The following ITPKB variants were observed in gnomAD, a reference collection of about 807,000 sequenced individuals.
ITPKB encodes IP3 3-kinase B.
ITPKB carries 13 observed loss-of-function variants against 69.4 expected under a neutral mutation model. The ratio of observed to expected loss-of-function variants is 0.19; its 90% CI spans 0.12 to 0.30. The LOEUF (loss-of-function observed/expected upper bound fraction) is 0.30, where lower values mean the gene tolerates loss of function less well. ITPKB is among the 10% of genes least tolerant of loss of function. The probability of loss-of-function intolerance (pLI) is 1.00; values close to 1 mark genes in which losing one functional copy is unlikely to be tolerated. For missense variants in ITPKB, 1,240 were observed against 1,250.5 expected (o/e 0.99, Z 0.13); for synonymous variants, 584 against 513.7 (o/e 1.14, Z -1.85).
chr1:226,642,898 A>G lies in ITPKB; in HGVS notation c.2247-773T>C, dbSNP rs957703014. On this transcript the variant is annotated intron_variant, in intron 4 of 7. Coordinates refer to ENST00000429204, the MANE Select transcript of ITPKB (RefSeq NM_002221.4). The surrounding 1 kb of genome is among the most constrained non-coding windows in gnomAD (Gnocchi z 6.4). ...TTTCCAAAGAGGTGAAATCTTCTGG[A>G]GCACAAAGTTCAGGTCAGAAAGTGG... Among the ~76,000 whole-genome samples the G allele has an allele frequency of 1.3e-5, 2 of 152,126 alleles. No individual in the cohort carries two copies.
At chr1:226,724,288 A>C (rs920341043) in intron 2 of ITPKB, among the ~76,000 whole-genome samples, 1 of 152,106 alleles carries the variant, frequency 6.6e-6, no homozygotes, top group Non-Finnish European at 1.5e-5. Context: ...AGCCTCCCCC[A>C]GCACACACTT....
intron 2 of ITPKB, among the ~76,000 whole-genome samples, chr1:226,681,497 T>G (rs964883240): frequency 6.6e-6 from 1 of 152,236 alleles, no homozygotes; most frequent in Non-Finnish European, 1.5e-5. Context: ...TGCAGAAAAT[T>G]TGATAAATCC....
At chr1:226,676,794 T>G (rs1231520008) in intron 2 of ITPKB, among the ~76,000 whole-genome samples, 1 of 152,248 alleles carries the variant, frequency 6.6e-6, no homozygotes, top group Non-Finnish European at 1.5e-5. Context: ...CTAAATAAGT[T>G]TATCCAAGCA....
intron 2 of ITPKB, among the ~76,000 whole-genome samples, chr1:226,655,491 G>A (rs759389653): frequency 6.6e-5 from 10 of 152,228 alleles, no homozygotes; most frequent in South Asian, 4.1e-4. Flanking sequence ...CAAGGCCACC[G>A]GCACCTGTGG....
intron 2 of ITPKB, among the ~76,000 whole-genome samples, chr1:226,694,626 A>C (rs1372023706): frequency 2.0e-5 from 3 of 152,250 alleles, no homozygotes; most frequent in Non-Finnish European, 4.4e-5. Flanking sequence ...AGGCTTAGCC[A>C]TCAGTGTTTC....
intron 2 of ITPKB, among the ~76,000 whole-genome samples, chr1:226,690,523 T>A (rs1656323933): frequency 7.0e-6 from 1 of 143,742 alleles, no homozygotes; most frequent in African/African-American, 2.7e-5. Flanking sequence ...GCAGGATAAC[T>A]CACTCCTCCT....
chr1:226,710,347 G>A (rs551079635), intron 2 of ITPKB, among the ~76,000 whole-genome samples: 2 of 152,356 alleles, frequency 1.3e-5, no homozygotes, highest in South Asian at 4.1e-4. Flanking sequence ...AGCTACGTAA[G>A]TTTCAGGGCC....
At chr1:226,639,460 G>A (rs1668907372) in intron 6 of ITPKB, 97 bp downstream of exon 6, 1 of 827,130 alleles carries the variant, frequency 1.2e-6, no homozygotes, top group East Asian at 2.4e-5. Flanking sequence ...TGCTGTCCCT[G>A]GGGGTGCCTT....
At chr1:226,660,836 C>T (rs1225945184) in intron 2 of ITPKB, among the ~76,000 whole-genome samples, 1 of 152,232 alleles carries the variant, frequency 6.6e-6, no homozygotes, top group South Asian at 2.1e-4. Context: ...GCCCAGAGGA[C>T]AGAAGGGCTC....
rs748764550 is a variant in ITPKB at position 226,637,759 on chromosome 1, AG to A, written c.2554-10del. On this transcript the variant is annotated splice_polypyrimidine_tract_variant and intron_variant, in intron 6 of 7. Transcript: ENST00000429204. This position sits in a 1 kb window ranked among gnomAD's most constrained non-coding sequence, Gnocchi z 4.3. Reference sequence around the variant, plus strand: ...CGGTCCCGATAGGCGATCTGGGAATAGAAAGAGGACCAGATTTTTAAGCGCC... The same window carrying A: ...CGGTCCCGATAGGCGATCTGGGAATAAAAGAGGACCAGATTTTTAAGCGCC... The A allele has an allele frequency of 1.4e-5, 23 of 1,610,610 alleles. No individual in the cohort carries two copies. The highest frequency in any genetic ancestry group is 2.0e-5 in the Non-Finnish European group (23 of 1,177,196).
In ITPKB at chr1:226,736,309, A is replaced by C; in HGVS notation, c.1150T>G (p.Ser384Ala). 1 of 1,609,664 alleles carries C rather than the reference A, an allele frequency of 6.2e-7. No individual in the cohort carries two copies. Among genetic ancestry groups the C allele is most frequent in the Non-Finnish European group, 8.5e-7 (1 of 1,178,356 alleles). Residue 384 changes from serine (S) to alanine (A), a missense_variant, in exon 2 of 8, where the codon TCT becomes GCT. Ser to Ala is a moderately conservative substitution (Grantham distance 99). Coordinates refer to ENST00000429204, the MANE Select transcript of ITPKB (RefSeq NM_002221.4). ...KGYLPCGMPG[S>A]GEPEVGKRPE... is the part of the protein sequence containing the mutation. Reference sequence around the variant, plus strand: ...CTTTTGCCCACTTCAGGCTCCCCAGAGCCCGGCATGCCACAGGGCAGATAT... The same window carrying C: ...CTTTTGCCCACTTCAGGCTCCCCAGCGCCCGGCATGCCACAGGGCAGATAT...
intron 2 of ITPKB, among the ~76,000 whole-genome samples, chr1:226,653,230 G>A (rs1034848432): frequency 1.3e-5 from 2 of 152,180 alleles, no homozygotes; most frequent in Non-Finnish European, 2.9e-5. Flanking sequence ...CCTGCCAGTA[G>A]GTACCATGCA....
chr1:226,717,158 C>T (rs937042383), intron 2 of ITPKB, among the ~76,000 whole-genome samples: 1 of 152,138 alleles, frequency 6.6e-6, no homozygotes, highest in Non-Finnish European at 1.5e-5. Flanking sequence ...ACCAAATCCT[C>T]CCGCAGGTAC....
intron 2 of ITPKB, among the ~76,000 whole-genome samples, chr1:226,673,774 T>C (rs1342657962): frequency 6.6e-6 from 1 of 152,268 alleles, no homozygotes; most frequent in African/African-American, 2.4e-5. Flanking sequence ...CTCCACAAAG[T>C]AGGACAAGAC....
At chr1:226,701,752 C>G (rs1656647895) in intron 2 of ITPKB, among the ~76,000 whole-genome samples, 2 of 151,956 alleles carry the variant, frequency 1.3e-5, no homozygotes, top group South Asian at 4.1e-4. Context: ...TTCCCAAATT[C>G]TGCTGCTGGC....
chr1:226,648,432 G>A lies in ITPKB; in HGVS notation c.2032+240C>T, dbSNP rs114870529. On this transcript the variant is annotated intron_variant, in intron 3 of 7. Coordinates refer to ENST00000429204, the MANE Select transcript of ITPKB (RefSeq NM_002221.4). ...GAGACAGAGATAAGAGCCAGAGACC[G>A]AGGGAGGGGAGGATGCATGTTTTGG... is the stretch of plus-strand genomic sequence containing the variant. Among the ~76,000 whole-genome samples the A allele has an allele frequency of 9.8e-3, 1,285 of 131,030 alleles. 13 individuals are homozygous for A. The highest frequency in any genetic ancestry group is 0.033 in the African/African-American group (1,100 of 33,800). The allele number at this position is 131,030 out of a possible 152,430, so 86.0% of individuals were successfully genotyped here.
intron 6 of ITPKB, among the ~76,000 whole-genome samples, chr1:226,638,075 C>T (rs1365095074): frequency 6.6e-6 from 1 of 152,240 alleles, no homozygotes; most frequent in African/African-American, 2.4e-5. Flanking sequence ...CTCTGTGGGT[C>T]TCACCCCCGG....
At chr1:226,715,821 T>C (rs1370718837) in intron 2 of ITPKB, among the ~76,000 whole-genome samples, 1 of 152,228 alleles carries the variant, frequency 6.6e-6, no homozygotes, top group Non-Finnish European at 1.5e-5. Context: ...TTTTATGTAT[T>C]TATTTTTGAG....
At position 226,641,945 on chromosome 1, in the gene ITPKB, C is replaced by T. The variant is rs751735290; in HGVS notation, c.2427G>A (p.Leu809=). 4 of 1,613,902 alleles carry T rather than the reference C, an allele frequency of 2.5e-6. No individual in the cohort carries two copies. Among genetic ancestry groups the T allele is most frequent in the Non-Finnish European group, 1.7e-6 (2 of 1,179,972 alleles). Residue 809 remains leucine (L), a synonymous_variant, in exon 5 of 8, where the codon CTG becomes CTA. Transcript: ENST00000429204. The surrounding 1 kb of genome is among the most constrained non-coding windows in gnomAD (Gnocchi z 4.6). ...WRETISSTAT[L]GFRIEGIKKE... ...CCTTGATTCCCTCGATCCTGAACCC[C>T]AGGGTGGCCGTGGAGCTGATGGTCT...
Sources: allele counts gnomAD v4.1 joint callset (sites outside exome capture counted in the v4.1 genomes callset), GRCh38; gene constraint gnomAD v4.1.1; non-coding constraint Gnocchi (gnomAD v3.1); transcripts MANE v1.5; gene names NCBI Gene and HGNC (gene_info 2026-07-23, HGNC 2026-07-21).